Variants in NOA1 observed in about 807,000 individuals in gnomAD.
The protein encoded by NOA1 is nitric oxide-associated protein 1.
In NOA1, 35 loss-of-function variants were observed where a neutral mutation model predicts 58.4. That is an observed-to-expected ratio of 0.60 (90% confidence interval 0.46 to 0.79). NOA1 has a LOEUF of 0.79. Among genes scored for constraint, NOA1 ranks in the 30% least tolerant of loss-of-function variants. The pLI is 0.00. For synonymous variants in NOA1, 397 were observed against 373.4 expected (o/e 1.06, Z -0.73); for missense variants, 895 against 894.6 (o/e 1.00, Z -0.01).
chr4:56,972,429 C>T (rs1232432390), intron 3 of NOA1, among the ~76,000 whole-genome samples: 5 of 152,078 alleles, frequency 3.3e-5, no homozygotes, highest in Non-Finnish European at 7.4e-5. Flanking sequence ...AGAGATGGGA[C>T]GTTACATTTT....
chr4:56,964,356 C>G, intron 6 of NOA1, 50 bp downstream of exon 6: 1 of 1,609,550 alleles, frequency 6.2e-7, no homozygotes, highest in East Asian at 2.2e-5. Context: ...TGTGAGCCAC[C>G]GTGCCTGCCC....
chr4:56,971,036 G>A (rs537532214), intron 3 of NOA1, among the ~76,000 whole-genome samples: 1 of 152,238 alleles, frequency 6.6e-6, no homozygotes, highest in South Asian at 2.1e-4. Context: ...AATTAGTCTG[G>A]GCGTAGTGGC....
At chr4:56,966,800 C>A in intron 4 of NOA1, 64 bp from the exon 5 acceptor site, 3 of 967,852 alleles carry the variant, frequency 3.1e-6, no homozygotes, top group South Asian at 2.8e-5. Context: ...ATTCAAGGTA[C>A]AATCAACTAA....
intron 3 of NOA1, among the ~76,000 whole-genome samples, chr4:56,969,892 T>C (rs185394440): frequency 1.3e-5 from 2 of 152,104 alleles, no homozygotes; most frequent in Admixed American, 1.3e-4. Context: ...GCAATTCTCC[T>C]GTCTCAGTCT....
chr4:56,966,114 C>T (rs2109613297), intron 5 of NOA1, among the ~76,000 whole-genome samples: 1 of 147,770 alleles, frequency 6.8e-6, no homozygotes, highest in African/African-American at 2.5e-5. Context: ...GCAACCTCTG[C>T]CGCTCTGGTT....
chr4:56,966,092 T>C (rs1721703580), intron 5 of NOA1, among the ~76,000 whole-genome samples: 1 of 143,844 alleles, frequency 7.0e-6, no homozygotes, highest in Non-Finnish European at 1.5e-5. Flanking sequence ...AGTAGCGCGA[T>C]CTTGGCTCAC....
chr4:56,973,307 G>T lies in NOA1; in HGVS notation c.1356C>A (p.Asn452Lys). ...TFLYSEEQKD[N>K]IPFEFDADSL... ...AATCAGCATCAAACTCAAAGGGAAT[G>T]TTATCCTTCTGTTCTTCTGAATACA... is the stretch of plus-strand genomic sequence containing the variant. Residue 452 changes from asparagine to lysine, a missense_variant, in exon 3 of 7, where the codon AAC becomes AAA. Physicochemically the swap from Asn to Lys is moderately conservative, Grantham distance 94. Transcript: ENST00000264230. 6.2e-7 allele frequency: 1 copy of T among 1,614,082 alleles called. No individual in the cohort carries two copies. Among genetic ancestry groups the T allele is most frequent in the Admixed American group, 1.7e-5 (1 of 60,000 alleles).
chr4:56,977,394 T>C lies in NOA1; in HGVS notation c.192A>G (p.Glu64=). 6.2e-7 allele frequency: 1 copy of C among 1,614,182 alleles called. No homozygotes were observed. The highest frequency in any genetic ancestry group is 1.7e-5 in the Admixed American group (1 of 60,028). Residue 64 remains glutamate, a synonymous_variant, in exon 1 of 7, where the codon GAA becomes GAG. Coordinates refer to ENST00000264230, the MANE Select transcript of NOA1 (RefSeq NM_032313.4). ...YDPVDTEGFG[E]GGDMQERFLF... is the part of the protein sequence containing the mutation. ...GAAAACGCTCCTGCATGTCACCACC[T>C]TCTCCAAAGCCCTCCGTGTCCACGG...
intron 1 of NOA1, among the ~76,000 whole-genome samples, chr4:56,974,925 A>ACT (rs905758932): frequency 2.7e-4 from 41 of 151,384 alleles, no homozygotes; most frequent in African/African-American, 9.7e-4. Flanking sequence ...CTGGTCTGGA[A>ACT]CTCCTGACCT....
chr4:56,977,333 G>A lies in NOA1; in HGVS notation c.253C>T (p.Pro85Ser). 2 of 1,614,192 alleles carry A rather than the reference G, an allele frequency of 1.2e-6. No individual in the cohort carries two copies. Among genetic ancestry groups the A allele is most frequent in the Non-Finnish European group, 1.7e-6 (2 of 1,180,044 alleles). The change falls in exon 1 of 7, where the codon CCC becomes TCC. Residue 85 changes from proline (P) to serine (S), a missense_variant. Pro to Ser is a moderately conservative substitution (Grantham distance 74, BLOSUM62 -1). This residue lies in a region of NOA1 where 680 missense variants were observed against 656.5 expected (regional missense o/e 1.04). Coordinates refer to ENST00000264230, the MANE Select transcript of NOA1 (RefSeq NM_032313.4). ...TCCTGCAGCTGCTTTTCGCGGGTGG[G>A]TTGCGGCTCCGGATCCAGGATGTAC... ...PEYILDPEPQPTREKQLQELQ... is the reference protein window; with the variant it reads ...PEYILDPEPQSTREKQLQELQ...
intron 3 of NOA1, among the ~76,000 whole-genome samples, chr4:56,970,149 A>AT (rs1454058815): frequency 6.6e-6 from 1 of 151,896 alleles, no homozygotes; most frequent in Non-Finnish European, 1.5e-5. Context: ...AAAATACAAA[A>AT]ATTAGCTGGG....
At position 56,977,432 on chromosome 4, in the gene NOA1, G is replaced by A. The variant is rs578102906; in HGVS notation, c.154C>T (p.Leu52Phe). 71 of 1,614,196 alleles carry A rather than the reference G, an allele frequency of 4.4e-5. No individual in the cohort carries two copies. The East Asian group carries it at 1.4e-3, about 32-fold the overall frequency. ...TCCGTGTCCACGGGGTCATAAGGAAGCTCGCGTCCCAGACTCGATGAGTGC... is the reference window on the plus strand; with the variant it reads ...TCCGTGTCCACGGGGTCATAAGGAAACTCGCGTCCCAGACTCGATGAGTGC... Reference protein sequence around the residue: ...FQHSSSLGRELPYDPVDTEGF... With the variant: ...FQHSSSLGREFPYDPVDTEGF... Residue 52 changes from leucine to phenylalanine, a missense_variant, in exon 1 of 7, where the codon CTT (leucine) becomes TTT (phenylalanine). Leu to Phe is a conservative substitution (Grantham distance 22). Transcript: ENST00000264230.
chr4:56,977,564 A>C lies in NOA1; in HGVS notation c.22T>G (p.Phe8Val). MLPARLP[F>V]RLLSLFLRGS... Reference sequence around the variant, plus strand: ...CGAAGGAAAAGGCTCAGCAGCCTGAACGGTAGGCGAGCGGGCAGCATGAGG... The same window carrying C: ...CGAAGGAAAAGGCTCAGCAGCCTGACCGGTAGGCGAGCGGGCAGCATGAGG... Residue 8 changes from phenylalanine to valine, a missense_variant, in exon 1 of 7, where the codon TTC becomes GTC. This residue lies in a region of NOA1 where 680 missense variants were observed against 656.5 expected (regional missense o/e 1.04). Coordinates refer to ENST00000264230, the MANE Select transcript of NOA1 (RefSeq NM_032313.4). 1 of 1,599,042 alleles carries C rather than the reference A, an allele frequency of 6.3e-7. No homozygotes were observed. The highest frequency in any genetic ancestry group is 8.5e-7 in the Non-Finnish European group (1 of 1,172,068).
At chr4:56,966,779 A>T in intron 4 of NOA1, 43 bp from the exon 5 acceptor site, 1 of 1,271,028 alleles carries the variant, frequency 7.9e-7, no homozygotes, top group African/African-American at 1.5e-5. Context: ...AAAAACTTGG[A>T]AAACCTGCAT....
rs769192251 is a variant in NOA1 at position 56,963,539 on chromosome 4, G to A, written c.2008C>T (p.Arg670Cys). Residue 670 changes from arginine (R) to cysteine (C), a missense_variant, in exon 7 of 7, where the codon CGC becomes TGC. Transcript: ENST00000264230. ...TTATAGGCCACACTTTTCTTGATGC[G>A]CTGTCCTTTGATGTTAACAATATAT... ...LPYIVNIKGQ[R>C]IKKSVAYKTK... The A allele has an allele frequency of 1.3e-5, 21 of 1,613,830 alleles. No individual in the cohort carries two copies. The Admixed American group carries it at 1.7e-4, about 13-fold the overall frequency.
intron 6 of NOA1, among the ~76,000 whole-genome samples, chr4:56,964,198 G>C (rs1042451636): frequency 1.3e-5 from 2 of 151,884 alleles, no homozygotes; most frequent in Admixed American, 6.6e-5. Context: ...CTCCCGAGTA[G>C]CTGGAATTAC....
intron 1 of NOA1, among the ~76,000 whole-genome samples, chr4:56,975,790 C>A (rs1721907408): frequency 6.6e-6 from 1 of 152,204 alleles, no homozygotes; most frequent in Admixed American, 6.5e-5. Context: ...GGAGGAGAAT[C>A]ACTGGAACCC....
intron 5 of NOA1, among the ~76,000 whole-genome samples, chr4:56,965,693 G>GGTGTGTGTGTGTGT (rs10548713): frequency 1.3e-3 from 201 of 149,166 alleles, no homozygotes; most frequent in African/African-American, 4.3e-3. Flanking sequence ...TCCAAAGTAT[G>GGTGTGTGTGTGTGT]GTGTGTGTGT....
Position 56,973,871 on chromosome 4 carries a change from A to G in NOA1, c.1296T>C (p.His432=). ...GAGGATGCTTACCTACGACATAACC[A>G]TGCTTTTTGAGGACATTAAGCTGAT... ...EQNQLNVLKK[H]GYVVGRVGRT... Residue 432 remains histidine, a synonymous_variant, in exon 2 of 7, where the codon CAT becomes CAC. Transcript: ENST00000264230. The G allele has an allele frequency of 1.2e-6, 2 of 1,614,152 alleles. No homozygotes were observed. Among genetic ancestry groups the G allele is most frequent in the Non-Finnish European group, 1.7e-6 (2 of 1,180,018 alleles).
Sources: allele counts gnomAD v4.1 joint callset (sites outside exome capture counted in the v4.1 genomes callset), GRCh38; gene constraint gnomAD v4.1.1; regional missense constraint gnomAD v4.1.1; transcripts MANE v1.5; gene names NCBI Gene and HGNC (gene_info 2026-07-23, HGNC 2026-07-21).